TGM3: variants seen among roughly 807,000 people sequenced by gnomAD.
TGM3 encodes protein-glutamine gamma-glutamyltransferase E.
Under a neutral mutation model 73.8 loss-of-function variants are expected in TGM3, and 52 were observed. That is an observed-to-expected ratio of 0.70 (90% CI 0.56 to 0.89). The LOEUF (loss-of-function observed/expected upper bound fraction) is 0.89, where lower values mean the gene tolerates loss of function less well. TGM3 is among the 40% of genes least tolerant of loss of function. TGM3 has a pLI of 0.00. For synonymous variants in TGM3, 372 were observed against 354.9 expected, an observed-to-expected ratio of 1.05 and a Z score of -0.54; for missense variants, 928 against 909.9, an observed-to-expected ratio of 1.02 and a Z score of -0.26.
At chr20:2,303,939 G>C (rs1262952754) in intron 1 of TGM3, among the ~76,000 whole-genome samples, 1 of 152,186 alleles carries the variant, frequency 6.6e-6, no homozygotes, top group East Asian at 1.9e-4. Flanking sequence ...CTGGAATAAA[G>C]GTTAGGAGTA....
chr20:2,314,833 A>C (rs2084224988), intron 5 of TGM3, among the ~76,000 whole-genome samples: 1 of 152,208 alleles, frequency 6.6e-6, no homozygotes, highest in Non-Finnish European at 1.5e-5. Context: ...TTCATGGTTT[A>C]GGCATTTCTT....
chr20:2,335,394 T>C, intron 11 of TGM3, 121 bp downstream of exon 11: 4 of 1,276,782 alleles, frequency 3.1e-6, no homozygotes, highest in Non-Finnish European at 3.2e-6. Context: ...TTTTTCTTGC[T>C]GGGAGGGGCA....
intron 7 of TGM3, among the ~76,000 whole-genome samples, chr20:2,323,859 G>T (rs1407990060): frequency 6.6e-6 from 1 of 152,112 alleles, no homozygotes; most frequent in Non-Finnish European, 1.5e-5. Context: ...GTGGTTATTT[G>T]TATTTCTTAT....
chr20:2,338,712 AAC>A (rs1275957465), intron 11 of TGM3, among the ~76,000 whole-genome samples: 2 of 152,210 alleles, frequency 1.3e-5, no homozygotes, highest in Non-Finnish European at 2.9e-5. Context: ...AGAAAAACAA[AAC>A]ACAGCAACAA....
rs932320684 is a variant in TGM3, at chr20:2,332,037, T to C, written c.1369T>C (p.Leu457=). ...GGAAAGACAAGTGTTCCAAAAGGCT[T>C]TGGGGAAACTTAAACCCAACACGCC... The part of the protein sequence containing the change: ...DQERQVFQKA[L]GKLKPNTPFA... The change falls in exon 10 of 13, where the codon TTG becomes CTG. Residue 457 remains leucine, a synonymous_variant. Coordinates refer to ENST00000381458, the MANE Select transcript of TGM3 (RefSeq NM_003245.4). The surrounding 1 kb of genome is among the most constrained non-coding windows in gnomAD (Gnocchi z 4.4). 4 of 1,613,100 alleles carry C rather than the reference T, an allele frequency of 2.5e-6. No individual in the cohort carries two copies. The highest frequency in any genetic ancestry group is 2.7e-5 in the African/African-American group (2 of 74,906).
intron 11 of TGM3, among the ~76,000 whole-genome samples, chr20:2,336,290 G>A (rs1411246897): frequency 1.3e-5 from 2 of 152,274 alleles, no homozygotes; most frequent in East Asian, 3.9e-4. Flanking sequence ...GGCTGGACAA[G>A]GACAGGCAGA....
At chr20:2,313,163 A>T (rs1031569138) in intron 5 of TGM3, 137 bp downstream of exon 5, 51 of 1,280,908 alleles carry the variant, frequency 4.0e-5, no homozygotes, top group Non-Finnish European at 5.3e-5. Flanking sequence ...AACCATCCAC[A>T]TTTTACTAAC....
intron 7 of TGM3, among the ~76,000 whole-genome samples, chr20:2,323,527 G>C (rs2122235400): frequency 6.6e-6 from 1 of 152,318 alleles, no homozygotes; most frequent in South Asian, 2.1e-4. Context: ...AGATATACAT[G>C]TATGTGCACT....
At chr20:2,325,648 A>G (rs760551677) in intron 7 of TGM3, among the ~76,000 whole-genome samples, 1 of 152,252 alleles carries the variant, frequency 6.6e-6, no homozygotes, top group Non-Finnish European at 1.5e-5. Flanking sequence ...TAAAACGGGC[A>G]TAAAAATGGT....
intron 7 of TGM3, among the ~76,000 whole-genome samples, chr20:2,323,386 C>T (rs1352391872): frequency 6.6e-6 from 1 of 152,220 alleles, no homozygotes; most frequent in African/African-American, 2.4e-5. Flanking sequence ...ATTGATTTTG[C>T]TTGTCCTTTT....
Position 2,340,654 on chromosome 20 carries a change from C to A in TGM3, c.*73C>A. On this transcript the variant is annotated 3_prime_UTR_variant, in exon 13 of 13. Coordinates refer to ENST00000381458, the MANE Select transcript of TGM3 (RefSeq NM_003245.4). Reference sequence around the variant, plus strand: ...AGAGCTCACCATGGAATGAACCCCCCGCCCATGCTGTCCGGCCTGGGAAAC... The same window carrying A: ...AGAGCTCACCATGGAATGAACCCCCAGCCCATGCTGTCCGGCCTGGGAAAC... 6.3e-7 allele frequency: 1 copy of A among 1,593,396 alleles called. No homozygotes were observed. The highest frequency in any genetic ancestry group is 1.1e-5 in the South Asian group (1 of 89,600).
chr20:2,317,153 G>A lies in TGM3; in HGVS notation c.755G>A (p.Gly252Asp). The A allele has an allele frequency of 6.2e-7, 1 of 1,614,088 alleles. No individual in the cohort carries two copies. Among genetic ancestry groups the A allele is most frequent in the Non-Finnish European group, 8.5e-7 (1 of 1,180,022 alleles). ...TGGRDPRSWN[G>D]SVEILKNWKK... is the part of the protein sequence containing the mutation. ...GGCCGGGACCCAAGGAGCTGGAACG[G>A]CAGCGTGGAGATCCTCAAAAATTGG... Residue 252 changes from glycine to aspartate, a missense_variant, in exon 6 of 13, where the codon GGC (glycine) becomes GAC (aspartate). Physicochemically the swap from Gly to Asp is moderately conservative, Grantham distance 94. Transcript: ENST00000381458.
Position 2,328,388 on chromosome 20 carries a change from A to T in TGM3, c.1333+23A>T. On this transcript the variant is annotated intron_variant, in intron 9 of 12. Coordinates refer to ENST00000381458, the MANE Select transcript of TGM3 (RefSeq NM_003245.4). The surrounding 1 kb of genome is among the most constrained non-coding windows in gnomAD (Gnocchi z 5.2). Reference sequence around the variant, plus strand: ...AAGGTAGGAGGGACGCTGGCGGGGCAGTGCCGCGAGAGGTTCTATTGTGGG... The same window carrying T: ...AAGGTAGGAGGGACGCTGGCGGGGCTGTGCCGCGAGAGGTTCTATTGTGGG... The T allele has an allele frequency of 6.2e-7, 1 of 1,613,188 alleles. No homozygotes were observed. The highest frequency in any genetic ancestry group is 8.5e-7 in the Non-Finnish European group (1 of 1,179,470).
chr20:2,330,172 GC>G (rs1448368398), intron 9 of TGM3, among the ~76,000 whole-genome samples: 1 of 152,182 alleles, frequency 6.6e-6, no homozygotes, highest in African/African-American at 2.4e-5. Context: ...CTCTCTGAGG[GC>G]CCCAGAGAGG....
At chr20:2,319,015 G>A (rs565367525) in intron 7 of TGM3, among the ~76,000 whole-genome samples, 1 of 152,266 alleles carries the variant, frequency 6.6e-6, no homozygotes, top group South Asian at 2.1e-4. Context: ...CTTATTTAAG[G>A]AGTTTCTTTC....
chr20:2,318,029 AT>A, intron 7 of TGM3, among the ~76,000 whole-genome samples: 1 of 150,966 alleles, frequency 6.6e-6, no homozygotes, highest in East Asian at 1.9e-4. Flanking sequence ...GAAAACAATT[AT>A]TTTTTTGAGA....
chr20:2,296,365 T>A (rs1052419182), intron 1 of TGM3, among the ~76,000 whole-genome samples: 4 of 152,092 alleles, frequency 2.6e-5, no homozygotes, highest in African/African-American at 7.2e-5. Context: ...TTTGCCTTGT[T>A]TGTGTTTGCG....
chr20:2,302,687 G>T (rs1437510936), intron 1 of TGM3, among the ~76,000 whole-genome samples: 1 of 116,962 alleles, frequency 8.5e-6, no homozygotes, highest in Non-Finnish European at 1.7e-5. Flanking sequence ...AAGGGCATTT[G>T]CCAACTGTTT....
In TGM3 at chr20:2,313,384, T is replaced by C. The variant is rs45576831; in HGVS notation, c.669+358T>C. On this transcript the variant is annotated intron_variant, in intron 5 of 12. Transcript: ENST00000381458. Reference sequence around the variant, plus strand: ...TAGGGCTCTGCTCCATCATTGGGCCTCCTGGGAAAGGAAGCGAGACCCTGA... The same window carrying C: ...TAGGGCTCTGCTCCATCATTGGGCCCCCTGGGAAAGGAAGCGAGACCCTGA... Among the ~76,000 whole-genome samples, 843 of 152,308 alleles carry C rather than the reference T, an allele frequency of 5.5e-3. 4 individuals are homozygous for C. The highest frequency in any genetic ancestry group is 0.019 in the African/African-American group (781 of 41,566).
Sources: gnomAD v4.1 joint callset for allele counts (sites outside exome capture counted in the v4.1 genomes callset) on GRCh38, gnomAD v4.1.1 for gene constraint, Gnocchi (gnomAD v3.1) non-coding constraint, MANE v1.5 for transcripts, NCBI Gene and HGNC (gene_info 2026-07-23, HGNC 2026-07-21) for gene names.